Variants in RASEF observed in about 807,000 individuals in gnomAD.
The protein encoded by RASEF is RAS and EF-hand domain containing, also known as ras and EF-hand domain-containing protein.
A neutral mutation model predicts 90.1 loss-of-function variants in RASEF; 68 were observed. The ratio of observed to expected loss-of-function variants is 0.75; its 90% CI spans 0.62 to 0.92. The LOEUF (loss-of-function observed/expected upper bound fraction) is 0.92, where lower values mean the gene tolerates loss of function less well. RASEF is among the 40% of genes least tolerant of loss of function. RASEF has a pLI of 0.00. For missense variants in RASEF, 949 were observed against 937.2 expected, an observed-to-expected ratio of 1.01 and a Z score of -0.16; for synonymous variants, 331 against 345.2, an observed-to-expected ratio of 0.96 and a Z score of 0.46.
At chr9:83,055,696 A>T (rs777653346) in intron 1 of RASEF, 1 of 717,418 alleles carries the variant, frequency 1.4e-6, no homozygotes, top group South Asian at 1.5e-5. Flanking sequence ...GTAATACAAA[A>T]GTCATCCAAA....
At chr9:83,057,035 C>T (rs1830114684) in intron 1 of RASEF, among the ~76,000 whole-genome samples, 1 of 152,124 alleles carries the variant, frequency 6.6e-6, no homozygotes, top group Admixed American at 6.5e-5. Flanking sequence ...GGCCACCACC[C>T]AGCAAGTAGA....
chr9:83,190,662 G>A, the RASEF span, among the ~76,000 whole-genome samples: 3 of 152,192 alleles, frequency 2.0e-5, no homozygotes, highest in African/African-American at 7.2e-5. Context: ...AGGAACACCT[G>A]GAAAAGGCAT....
At chr9:82,994,859 GT>G (rs111238160) in intron 14 of RASEF, among the ~76,000 whole-genome samples, 3,372 of 152,262 alleles carry the variant, frequency 0.022, 123 homozygotes, top group African/African-American at 0.076. Flanking sequence ...CAGAGGGTCT[GT>G]TCACCGCTGA....
At chr9:83,208,094 G>C in the RASEF span, among the ~76,000 whole-genome samples, 2 of 152,162 alleles carry the variant, frequency 1.3e-5, no homozygotes. Flanking sequence ...TGGAGCTGTC[G>C]CTGTCGCAGG....
At chr9:83,181,370 A>C in the RASEF span, among the ~76,000 whole-genome samples, 1 of 152,162 alleles carries the variant, frequency 6.6e-6, no homozygotes, top group African/African-American at 2.4e-5. Context: ...TCTATATGGG[A>C]ATGAAATTTA....
At chr9:83,075,816 G>T in the RASEF span, among the ~76,000 whole-genome samples, 1 of 151,858 alleles carries the variant, frequency 6.6e-6, no homozygotes, top group African/African-American at 2.4e-5. Flanking sequence ...AAAGATTAAA[G>T]CTCCTGTTCC....
At chr9:83,053,326 G>T (rs1830052389) in intron 1 of RASEF, among the ~76,000 whole-genome samples, 1 of 72,190 alleles carries the variant, frequency 1.4e-5, no homozygotes, top group Non-Finnish European at 2.4e-5. Context: ...TTTGATCTTT[G>T]TTGGTTTAAA....
the RASEF span, among the ~76,000 whole-genome samples, chr9:83,139,136 T>C: frequency 6.6e-6 from 1 of 152,124 alleles, no homozygotes; most frequent in African/African-American, 2.4e-5. Flanking sequence ...ACCTTCCTTA[T>C]CATAAGAGTA....
chr9:83,060,246 T>C (rs983563216), intron 1 of RASEF, among the ~76,000 whole-genome samples: 11 of 152,186 alleles, frequency 7.2e-5, no homozygotes, highest in Non-Finnish European at 1.5e-4. Context: ...AACTCTATTT[T>C]ATATGAAAAC....
the RASEF span, among the ~76,000 whole-genome samples, chr9:83,153,958 G>T: frequency 1.3e-5 from 2 of 152,208 alleles, no homozygotes; most frequent in African/African-American, 4.8e-5. Context: ...TTGACAGGCT[G>T]CATGGAATAG....
the RASEF span, among the ~76,000 whole-genome samples, chr9:83,138,654 A>G: frequency 2.7e-3 from 411 of 152,156 alleles, 4 homozygotes; most frequent in African/African-American, 9.4e-3. Context: ...CAAACACACA[A>G]TTGGCTATTT....
At chr9:83,200,119 G>A in the RASEF span, among the ~76,000 whole-genome samples, 4 of 152,172 alleles carry the variant, frequency 2.6e-5, no homozygotes, top group African/African-American at 7.2e-5. Flanking sequence ...GGTGGCTCAC[G>A]TCTGTAATCC....
chr9:83,044,774 T>C (rs981587968), intron 1 of RASEF, among the ~76,000 whole-genome samples: 1 of 152,220 alleles, frequency 6.6e-6, no homozygotes, highest in East Asian at 1.9e-4. Flanking sequence ...TAGCCAGATA[T>C]TTGCTTAAAC....
chr9:83,052,940 T>C (rs1174106309), intron 1 of RASEF, among the ~76,000 whole-genome samples: 1 of 146,416 alleles, frequency 6.8e-6, no homozygotes, highest in Non-Finnish European at 1.5e-5. Flanking sequence ...CTTTTACATT[T>C]GCTGAGGAGA....
chr9:83,199,659 T>C, the RASEF span, among the ~76,000 whole-genome samples: 1 of 152,186 alleles, frequency 6.6e-6, no homozygotes, highest in Non-Finnish European at 1.5e-5. Context: ...GACACTGTAT[T>C]GAAGACTCAG....
At chr9:83,144,326 G>GGAAAGAGA in the RASEF span, among the ~76,000 whole-genome samples, 1 of 39,436 alleles carries the variant, frequency 2.5e-5, no homozygotes, top group Admixed American at 3.1e-4. Context: ...AAAGAAAGAA[G>GGAAAGAGA]GAAAGAAAGA....
In RASEF at chr9:83,044,260, A is replaced by G. The variant is rs139827928; in HGVS notation, c.431+18177T>C. On this transcript the variant is annotated intron_variant, in intron 1 of 16. Transcript: ENST00000376447. ...GAAGGAGAAGAAGAAGGGAAGCCAG[A>G]AAGCAGTGAATTTGCCCAGGAAAGT... 2.3e-3 allele frequency among the ~76,000 whole-genome samples: 349 copies of G among 152,324 alleles called. 1 individual carries two copies. Among genetic ancestry groups the G allele is most frequent in the African/African-American group, 7.7e-3 (321 of 41,578 alleles).
At chr9:83,009,538 GCA>G in intron 6 of RASEF, 101 bp downstream of exon 6, 1 of 559,256 alleles carries the variant, frequency 1.8e-6, no homozygotes, top group East Asian at 2.8e-5. Context: ...GAAGATATTA[GCA>G]AAGTTACTAA....
the RASEF span, among the ~76,000 whole-genome samples, chr9:83,068,424 GC>G: frequency 6.6e-6 from 1 of 152,192 alleles, no homozygotes; most frequent in South Asian, 2.1e-4. Context: ...GAAGAAGTGA[GC>G]TGCCATGTCA....
Sources: gnomAD v4.1 joint callset for allele counts (sites outside exome capture counted in the v4.1 genomes callset) on GRCh38, gnomAD v4.1.1 for gene constraint, MANE v1.5 for transcripts, NCBI Gene and HGNC (gene_info 2026-07-23, HGNC 2026-07-21) for gene names.